Variants in FER observed in about 807,000 individuals in gnomAD.
FER encodes FER tyrosine kinase.
In FER, 63 loss-of-function variants were observed where a neutral mutation model predicts 111.0. That is an observed-to-expected ratio of 0.57 (90% CI 0.46 to 0.70). The LOEUF is 0.70. Among genes scored for constraint, FER ranks in the 30% least tolerant of loss-of-function variants. The pLI, the probability that FER is intolerant of heterozygous loss-of-function variation, is 0.00. For missense variants in FER, 914 were observed against 954.0 expected, an observed-to-expected ratio of 0.96 and a Z score of 0.55; for synonymous variants, 327 against 313.9, an observed-to-expected ratio of 1.04 and a Z score of -0.44.
chr5:109,051,708 A>C, intron 16 of FER: 1 of 1,569,226 alleles, frequency 6.4e-7, no homozygotes, highest in South Asian at 1.1e-5. Context: ...TCAGCGGGCC[A>C]GTGGTCGCAT....
chr5:108,904,992 A>G (rs1308943733), intron 10 of FER, among the ~76,000 whole-genome samples: 1 of 152,092 alleles, frequency 6.6e-6, no homozygotes, highest in Non-Finnish European at 1.5e-5. Context: ...AATTTGATAT[A>G]TAAATTTCTA....
chr5:109,022,623 A>G (rs887411531), intron 13 of FER, among the ~76,000 whole-genome samples: 4 of 152,162 alleles, frequency 2.6e-5, no homozygotes, highest in Middle Eastern at 3.2e-3. Context: ...GACATAATAT[A>G]TAGAAATATT....
At chr5:109,157,163 A>G (rs1172208327) in intron 17 of FER, among the ~76,000 whole-genome samples, 2 of 151,944 alleles carry the variant, frequency 1.3e-5, no homozygotes, top group South Asian at 2.1e-4. Context: ...CCAAAAGTCA[A>G]TCAGAACTGT....
At chr5:108,809,565 G>C (rs113261283) in intron 3 of FER, among the ~76,000 whole-genome samples, 83 of 152,008 alleles carry the variant, frequency 5.5e-4, no homozygotes, top group African/African-American at 1.5e-3. Context: ...TGAATTTTTT[G>C]TTTTGTTTTG....
rs560637678 is a variant in FER at position 108,780,785 on chromosome 5, G to A, written c.-60+12547G>A. Among the ~76,000 whole-genome samples, 5 of 149,874 alleles carry A rather than the reference G, an allele frequency of 3.3e-5. No individual in the cohort carries two copies. The South Asian group carries it at 1.1e-3, about 32-fold the overall frequency. ...TTACATGTATGTTACACCTTTTTTA[G>A]TTGTCCCACAGTTTTTGTATATTCT... On this transcript the variant is annotated intron_variant, in intron 2 of 19. Coordinates refer to ENST00000281092, the MANE Select transcript of FER (RefSeq NM_005246.4).
In FER at chr5:108,812,924, CATT is replaced by C. The variant is rs1184736749; in HGVS notation, c.207+14542_207+14544del. On this transcript the variant is annotated intron_variant, in intron 3 of 19. Transcript: ENST00000281092. Reference sequence around the variant, plus strand: ...ATATGTGAGTTATAAATCCACAATACATTATTATTTTTGCTGATTATCTTTTGA... The same window carrying C: ...ATATGTGAGTTATAAATCCACAATACATTATTTTTGCTGATTATCTTTTGA... 5.9e-5 allele frequency among the ~76,000 whole-genome samples: 9 copies of C among 152,062 alleles called. No homozygotes were observed. In the South Asian group the frequency reaches 1.0e-3, roughly 18 times the overall value.
intron 13 of FER, among the ~76,000 whole-genome samples, chr5:109,022,606 G>A (rs1276346633): frequency 6.6e-6 from 1 of 152,002 alleles, no homozygotes; most frequent in African/African-American, 2.4e-5. Flanking sequence ...GCCCCACAAA[G>A]GCTAATGACA....
intron 5 of FER, among the ~76,000 whole-genome samples, chr5:108,855,594 GAAAAA>G (rs199949845): frequency 9.7e-6 from 1 of 102,990 alleles, no homozygotes. Flanking sequence ...GCACTCCAGC[GAAAAA>G]AAAAAAAAAA....
chr5:109,177,920 C>T (rs1757883336), intron 17 of FER, among the ~76,000 whole-genome samples: 1 of 152,182 alleles, frequency 6.6e-6, no homozygotes. Context: ...CTATAACACA[C>T]AGGTTCACAC....
intron 3 of FER, among the ~76,000 whole-genome samples, chr5:108,800,262 C>T (rs1756492293): frequency 6.6e-6 from 1 of 152,142 alleles, no homozygotes; most frequent in African/African-American, 2.4e-5. Flanking sequence ...CACATAGTTT[C>T]TGTTTTCTTT....
At position 109,085,509 on chromosome 5, in the gene FER, G is replaced by A. The variant is rs1303976860; in HGVS notation, c.1925-14887G>A. Reference sequence around the variant, plus strand: ...ATTTTCTGTGTACTCATAATTTTCTGCAAAGAGATTTTACTTCTTTCTTAT... The same window carrying A: ...ATTTTCTGTGTACTCATAATTTTCTACAAAGAGATTTTACTTCTTTCTTAT... On this transcript the variant is annotated intron_variant, in intron 16 of 19. Coordinates refer to ENST00000281092, the MANE Select transcript of FER (RefSeq NM_005246.4). Among the ~76,000 whole-genome samples, 5 of 141,030 alleles carry A rather than the reference G, an allele frequency of 3.5e-5. No homozygotes were observed. In the Admixed American group the frequency reaches 3.6e-4, roughly 10 times the overall value. 92.5% of individuals were successfully genotyped at this position (141,030 alleles called of 152,430 possible). A position where few individuals can be genotyped will look rare whatever the true frequency, so the allele number is the denominator to read the frequency against.
At chr5:109,044,411 G>A (rs552579722) in intron 14 of FER, among the ~76,000 whole-genome samples, 37 of 152,176 alleles carry the variant, frequency 2.4e-4, no homozygotes, top group African/African-American at 8.7e-4. Flanking sequence ...TCGATCTCCT[G>A]ACCTCGTGAT....
At chr5:108,765,004 T>G (rs1752160470) in intron 1 of FER, among the ~76,000 whole-genome samples, 1 of 152,158 alleles carries the variant, frequency 6.6e-6, no homozygotes, top group South Asian at 2.1e-4. Context: ...CTAGTCCCAT[T>G]TGTGAAGACA....
chr5:108,792,301 T>A (rs62361345), intron 2 of FER, among the ~76,000 whole-genome samples: 35,805 of 152,148 alleles, frequency 0.24, 4,458 homozygotes, highest in African/African-American at 0.3. Context: ...AATCTTTTGA[T>A]CTGTGAACAT....
chr5:108,922,880 T>C (rs1282632043), intron 10 of FER, among the ~76,000 whole-genome samples: 1 of 152,130 alleles, frequency 6.6e-6, no homozygotes, highest in Non-Finnish European at 1.5e-5. Context: ...TTTGGTGAAA[T>C]AGAGCAGTGA....
chr5:108,974,866 A>G (rs72789332), intron 13 of FER, among the ~76,000 whole-genome samples: 17,203 of 152,238 alleles, frequency 0.11, 1,078 homozygotes, highest in Middle Eastern at 0.16. Context: ...ATAGCTCTGC[A>G]GACATTATGA....
chr5:109,097,173 G>A (rs566169173), intron 16 of FER, among the ~76,000 whole-genome samples: 9 of 151,840 alleles, frequency 5.9e-5, no homozygotes, highest in East Asian at 1.9e-4. Flanking sequence ...ACCCAAAGCC[G>A]CATGGTTAAT....
rs1378731792 is a variant in FER, at chr5:109,163,913, GTTTA to G, written c.2049-16830_2049-16827del. 1.4e-4 allele frequency among the ~76,000 whole-genome samples: 22 copies of G among 152,192 alleles called. No individual in the cohort carries two copies. The East Asian group carries it at 3.9e-3, about 27-fold the overall frequency. On this transcript the variant is annotated intron_variant, in intron 17 of 19. Transcript: ENST00000281092. ...AATAACTTCATGGCAGTTTGATGAG[GTTTA>G]TTTGTCTATTCTATAGCTAATAGAT...
At chr5:108,981,312 C>G (rs1165318253) in intron 13 of FER, among the ~76,000 whole-genome samples, 1 of 151,570 alleles carries the variant, frequency 6.6e-6, no homozygotes, top group African/African-American at 2.4e-5. Flanking sequence ...GAGACATTTG[C>G]AAAGCTATGT....
Sources: allele counts gnomAD v4.1 joint callset (sites outside exome capture counted in the v4.1 genomes callset), GRCh38; gene constraint gnomAD v4.1.1; transcripts MANE v1.5; gene names NCBI Gene and HGNC (gene_info 2026-07-23, HGNC 2026-07-21).